Variants in THADA observed in about 807,000 individuals in gnomAD.
THADA encodes tRNA (32-2'-O)-methyltransferase regulator THADA.
THADA carries 213 observed loss-of-function variants against 219.8 expected under a neutral mutation model. The ratio of observed to expected loss-of-function variants is 0.97; its 90% CI spans 0.87 to 1.09. THADA has a LOEUF of 1.09. Ranked by LOEUF, THADA falls within the 50% of genes least tolerant of loss-of-function variation. The probability of loss-of-function intolerance (pLI) is 0.00; values close to 1 mark genes in which losing one functional copy is unlikely to be tolerated. For missense variants in THADA, 2,956 were observed against 2,311.3 expected (o/e 1.28, Z -5.72); for synonymous variants, 1,018 against 828.9 (o/e 1.23, Z -3.92).
At chr2:43,231,914 C>T (rs1419230343) in intron 37 of THADA, among the ~76,000 whole-genome samples, 1 of 152,168 alleles carries the variant, frequency 6.6e-6, no homozygotes, top group Non-Finnish European at 1.5e-5. Flanking sequence ...GAGTCAGATG[C>T]TGGTGGCGAT....
At chr2:43,505,061 G>T (rs1689489152) in intron 24 of THADA, among the ~76,000 whole-genome samples, 1 of 152,124 alleles carries the variant, frequency 6.6e-6, no homozygotes, top group Admixed American at 6.5e-5. Context: ...GGAACTAAAT[G>T]CTAGTAAAAT....
chr2:43,281,189 A>G (rs771747859), intron 35 of THADA, among the ~76,000 whole-genome samples: 5 of 152,168 alleles, frequency 3.3e-5, no homozygotes, highest in African/African-American at 1.2e-4. Flanking sequence ...AGTCATACCA[A>G]TAATAACAGT....
intron 21 of THADA, among the ~76,000 whole-genome samples, chr2:43,537,378 C>T (rs1195368460): frequency 1.3e-5 from 2 of 152,132 alleles, no homozygotes; most frequent in Admixed American, 6.5e-5. Context: ...TATTTTCCCA[C>T]GATATCCTTG....
chr2:43,270,069 G>GATT lies in THADA; in HGVS notation c.5296+9695_5296+9696insAAT, dbSNP rs1671954360. Among the ~76,000 whole-genome samples, 3 of 152,074 alleles carry GATT rather than the reference G, an allele frequency of 2.0e-5. No homozygotes were observed. In the South Asian group the frequency reaches 6.2e-4, roughly 31 times the overall value. On this transcript the variant is annotated intron_variant, in intron 36 of 37. Transcript: ENST00000405975. Reference sequence around the variant, plus strand: ...CACCCCTGCCAGCTCCTCTCTACCCGAGTCTGGATTATTCTCAGGGGGCAT... The same window carrying GATT: ...CACCCCTGCCAGCTCCTCTCTACCCGATTAGTCTGGATTATTCTCAGGGGGCAT...
chr2:43,293,363 C>G, intron 31 of THADA, 150 bp from the exon 32 acceptor site: 1 of 880,670 alleles, frequency 1.1e-6, no homozygotes, highest in Non-Finnish European at 1.7e-6. Context: ...GAGTGGCCCT[C>G]TAAGGTTCAG....
intron 1 of THADA, among the ~76,000 whole-genome samples, chr2:43,595,024 T>A (rs1701991568): frequency 6.6e-6 from 1 of 152,250 alleles, no homozygotes; most frequent in Non-Finnish European, 1.5e-5. Flanking sequence ...AACTTTAATC[T>A]ATTTTGTTCA....
At chr2:43,472,614 T>C (rs1431732316) in intron 26 of THADA, among the ~76,000 whole-genome samples, 2 of 152,222 alleles carry the variant, frequency 1.3e-5, no homozygotes, top group African/African-American at 2.4e-5. Context: ...ACAATGTGTT[T>C]TTAGTACATA....
chr2:43,321,555 G>A (rs1293405650), intron 30 of THADA, among the ~76,000 whole-genome samples: 4 of 152,208 alleles, frequency 2.6e-5, no homozygotes, highest in Admixed American at 6.5e-5. Context: ...TTTGGAGACT[G>A]AGTTTGTTAT....
intron 4 of THADA, 116 bp downstream of exon 4, chr2:43,590,708 A>G: frequency 1.8e-6 from 2 of 1,086,950 alleles, no homozygotes; most frequent in Non-Finnish European, 2.7e-6. Flanking sequence ...AACCATATGA[A>G]TGAACTTTTT....
At chr2:43,311,619 G>A (rs1010130204) in intron 31 of THADA, among the ~76,000 whole-genome samples, 3 of 152,104 alleles carry the variant, frequency 2.0e-5, no homozygotes, top group Non-Finnish European at 4.4e-5. Context: ...CAACCCAAAT[G>A]TCCATCAAAC....
At chr2:43,464,228 A>G (rs1410967124) in intron 26 of THADA, among the ~76,000 whole-genome samples, 3 of 152,202 alleles carry the variant, frequency 2.0e-5, no homozygotes, top group Non-Finnish European at 4.4e-5. Flanking sequence ...CAACTTCTAT[A>G]ATAGTAGCTT....
chr2:43,406,110 C>CACTT (rs2104743910), intron 28 of THADA, among the ~76,000 whole-genome samples: 1 of 152,312 alleles, frequency 6.6e-6, no homozygotes, highest in Admixed American at 6.5e-5. Context: ...GACATCCCTC[C>CACTT]ACTTGCCCCT....
chr2:43,251,479 C>G (rs1385738085), intron 36 of THADA, among the ~76,000 whole-genome samples: 2 of 152,220 alleles, frequency 1.3e-5, no homozygotes, highest in Non-Finnish European at 2.9e-5. Flanking sequence ...ATTTGTTGCT[C>G]TCTGCTCTCT....
At chr2:43,403,322 G>A (rs558257312) in intron 28 of THADA, among the ~76,000 whole-genome samples, 5 of 152,308 alleles carry the variant, frequency 3.3e-5, no homozygotes, top group East Asian at 3.9e-4. Context: ...TTTGTAGACC[G>A]TGAAGCAGAA....
chr2:43,591,102 C>G, intron 3 of THADA, 148 bp from the exon 4 acceptor site: 1 of 674,478 alleles, frequency 1.5e-6, no homozygotes, highest in South Asian at 2.3e-5. Context: ...GGGCAGATCG[C>G]TTGAGCCCAG....
chr2:43,549,107 C>A, intron 20 of THADA, 103 bp downstream of exon 20: 1 of 1,057,532 alleles, frequency 9.5e-7, no homozygotes, highest in Non-Finnish European at 1.3e-6. Flanking sequence ...TAGAAATGTT[C>A]TGCACAGATT....
At chr2:43,357,080 T>C (rs992926977) in intron 29 of THADA, among the ~76,000 whole-genome samples, 1 of 152,198 alleles carries the variant, frequency 6.6e-6, no homozygotes, top group African/African-American at 2.4e-5. Context: ...ATCCCTAAAA[T>C]TGAAAATATC....
At chr2:43,305,467 T>A (rs1676746894) in intron 31 of THADA, among the ~76,000 whole-genome samples, 1 of 152,180 alleles carries the variant, frequency 6.6e-6, no homozygotes, top group African/African-American at 2.4e-5. Context: ...TCATCTCTGC[T>A]TACACAGGTG....
intron 16 of THADA, among the ~76,000 whole-genome samples, chr2:43,556,941 G>C (rs1012526200): frequency 1.3e-5 from 2 of 152,056 alleles, no homozygotes; most frequent in Admixed American, 1.3e-4. Flanking sequence ...AAATTAGCTG[G>C]GTGTAATGGT....
Sources: gnomAD v4.1 joint callset for allele counts (sites outside exome capture counted in the v4.1 genomes callset) on GRCh38, gnomAD v4.1.1 for gene constraint, MANE v1.5 for transcripts, NCBI Gene and HGNC (gene_info 2026-07-23, HGNC 2026-07-21) for gene names.